CFAP20DC: variants seen among roughly 807,000 people sequenced by gnomAD.
CFAP20DC encodes the protein protein CFAP20DC.
A neutral mutation model predicts 101.7 loss-of-function variants in CFAP20DC; 84 were observed. The observed-to-expected ratio is 0.83, with a 90% CI of 0.69 to 0.99. CFAP20DC has a LOEUF of 0.99. Among genes scored for constraint, CFAP20DC ranks in the 50% least tolerant of loss-of-function variants. The pLI is 0.00. For missense variants in CFAP20DC, 1,007 were observed against 970.3 expected (o/e 1.04, Z -0.50); for synonymous variants, 359 against 351.2 (o/e 1.02, Z -0.25).
chr3:58,817,118 T>A (rs888797056), intron 14 of CFAP20DC, among the ~76,000 whole-genome samples: 2 of 151,716 alleles, frequency 1.3e-5, no homozygotes, highest in Admixed American at 6.6e-5. Context: ...AGAAAGGACA[T>A]CCACACCGAA....
chr3:58,945,990 C>T (rs2107928991), intron 4 of CFAP20DC, among the ~76,000 whole-genome samples: 1 of 151,640 alleles, frequency 6.6e-6, no homozygotes, highest in Middle Eastern at 3.4e-3. Flanking sequence ...CCACCACGAC[C>T]AGCCCAAAGT....
Position 58,863,980 on chromosome 3 carries a change from GAC to G in CFAP20DC, c.1259-90_1259-89del, listed in dbSNP as rs1306824123. ...ATTTATTTTTAGTTTTAGTTTTTGA[GAC>G]AGTCTCACTCTGCCGCCTAGGCTGC... On this transcript the variant is annotated intron_variant, in intron 11 of 16. Transcript: ENST00000482387. This position sits in a 1 kb window ranked among gnomAD's most constrained non-coding sequence, Gnocchi z 5.9. 4.6e-6 allele frequency: 6 copies of G among 1,306,750 alleles called. No homozygotes were observed. The highest frequency in any genetic ancestry group is 6.1e-6 in the Non-Finnish European group (6 of 984,032). 80.9% of individuals were successfully genotyped at this position (1,306,750 alleles called of 1,614,324 possible). A position where few individuals can be genotyped will look rare whatever the true frequency, so the allele number is the denominator to read the frequency against.
In CFAP20DC at chr3:58,788,244, G is replaced by C. The variant is rs1365613091; in HGVS notation, c.2237+18151C>G. On this transcript the variant is annotated intron_variant, in intron 15 of 16. Transcript: ENST00000482387. The surrounding 1 kb of genome is among the most constrained non-coding windows in gnomAD (Gnocchi z 4.2). ...CAGATTCTGAGCACGCAGTGAGAAA[G>C]GGAACCACAGCATGGTTGATTTGGG... Among the ~76,000 whole-genome samples, 1 of 152,088 alleles carries C rather than the reference G, an allele frequency of 6.6e-6. No individual in the cohort carries two copies. The highest frequency in any genetic ancestry group is 1.9e-4 in the East Asian group (1 of 5,186).
At chr3:59,027,521 A>G (rs765291656) in intron 4 of CFAP20DC, among the ~76,000 whole-genome samples, 12 of 152,210 alleles carry the variant, frequency 7.9e-5, no homozygotes, top group Non-Finnish European at 1.6e-4. Flanking sequence ...AAATAACATC[A>G]GTTCACTAGA....
chr3:58,913,964 C>A lies in CFAP20DC; in HGVS notation c.394-100G>T. 1 of 1,264,876 alleles carries A rather than the reference C, an allele frequency of 7.9e-7. No homozygotes were observed. Among genetic ancestry groups the A allele is most frequent in the East Asian group, 2.4e-5 (1 of 41,716 alleles). 78.4% of individuals were successfully genotyped at this position (1,264,876 alleles called of 1,614,324 possible). A position where few individuals can be genotyped will look rare whatever the true frequency, so the allele number is the denominator to read the frequency against. ...CATTCAAAGAGTTGAGGCAGTTATC[C>A]TGATCAACAAGCCCCAAACTAATTT... is the stretch of plus-strand genomic sequence containing the variant. On this transcript the variant is annotated intron_variant, in intron 5 of 16. Coordinates refer to ENST00000482387, the MANE Select transcript of CFAP20DC (RefSeq NM_001394063.1). The surrounding 1 kb of genome is among the most constrained non-coding windows in gnomAD (Gnocchi z 4.4).
downstream of CFAP20DC, among the ~76,000 whole-genome samples, chr3:58,740,982 A>C (rs190741369): frequency 2.2e-3 from 336 of 152,354 alleles, 4 homozygotes; most frequent in African/African-American, 7.7e-3. The surrounding 1 kb of genome is among the most constrained non-coding windows in gnomAD (Gnocchi z 4.6). Flanking sequence ...TTTGTGAACA[A>C]CAGGATTAAA....
chr3:59,028,394 A>C (rs1399424473), intron 4 of CFAP20DC, among the ~76,000 whole-genome samples: 1 of 152,216 alleles, frequency 6.6e-6, no homozygotes, highest in Non-Finnish European at 1.5e-5. Flanking sequence ...AAAGATAGAA[A>C]TATCTCAGCA....
intron 4 of CFAP20DC, among the ~76,000 whole-genome samples, chr3:58,979,579 A>C (rs2108479442): frequency 6.6e-6 from 1 of 152,312 alleles, no homozygotes; most frequent in Non-Finnish European, 1.5e-5. Flanking sequence ...AACTTCCATA[A>C]GAGAACGTCA....
intron 4 of CFAP20DC, among the ~76,000 whole-genome samples, chr3:58,938,379 G>C (rs1447995094): frequency 6.6e-6 from 1 of 152,122 alleles, no homozygotes; most frequent in Non-Finnish European, 1.5e-5. Context: ...TGATCACAAA[G>C]ATTAGGTTTG....
chr3:58,955,002 A>G (rs1307093647), intron 4 of CFAP20DC, among the ~76,000 whole-genome samples: 1 of 152,124 alleles, frequency 6.6e-6, no homozygotes, highest in Non-Finnish European at 1.5e-5. Context: ...AACTAAAAAA[A>G]AAAAACTTTA....
chr3:58,811,281 A>T (rs1181364979), intron 14 of CFAP20DC, among the ~76,000 whole-genome samples: 2 of 152,212 alleles, frequency 1.3e-5, no homozygotes, highest in Admixed American at 1.3e-4. Flanking sequence ...AGCTGGAGGC[A>T]TCACGTTACC....
At chr3:58,740,577 C>A (rs2067858526), downstream of CFAP20DC, among the ~76,000 whole-genome samples, 1 of 152,120 alleles carries the variant, frequency 6.6e-6, no homozygotes, top group Non-Finnish European at 1.5e-5. This position sits in a 1 kb window ranked among gnomAD's most constrained non-coding sequence, Gnocchi z 4.6. Flanking sequence ...TTAAGAATCC[C>A]AACAGAGTTC....
rs141026702 is a variant in CFAP20DC, at chr3:58,838,118, G to A, written c.1972-6229C>T. Among the ~76,000 whole-genome samples the A allele has an allele frequency of 4.6e-3, 703 of 152,250 alleles. 4 individuals carry two copies. Among genetic ancestry groups the A allele is most frequent in the South Asian group, 0.017 (82 of 4,818 alleles). Reference sequence around the variant, plus strand: ...AGCTGTAAGTGACACATATTTGTGCGCATAGCTCATTCACAATTTATGGTA... The same window carrying A: ...AGCTGTAAGTGACACATATTTGTGCACATAGCTCATTCACAATTTATGGTA... On this transcript the variant is annotated intron_variant, in intron 13 of 16. Coordinates refer to ENST00000482387, the MANE Select transcript of CFAP20DC (RefSeq NM_001394063.1).
intron 4 of CFAP20DC, among the ~76,000 whole-genome samples, chr3:58,997,820 C>T (rs2093182648): frequency 6.6e-6 from 1 of 152,132 alleles, no homozygotes; most frequent in Non-Finnish European, 1.5e-5. Flanking sequence ...GGAAGAGGGA[C>T]AAATAAGTAA....
rs1002859171 is a variant in CFAP20DC, at chr3:58,869,189, T to C, written c.1015+139A>G. ...TAAGAATTTCAAATATATTTCAAAA[T>C]CAACCACCCTTTTCATTATTAAATG... is the stretch of plus-strand genomic sequence containing the variant. On this transcript the variant is annotated intron_variant, in intron 9 of 16. Coordinates refer to ENST00000482387, the MANE Select transcript of CFAP20DC (RefSeq NM_001394063.1). This position sits in a 1 kb window ranked among gnomAD's most constrained non-coding sequence, Gnocchi z 4.3. The C allele has an allele frequency of 1.3e-5, 8 of 602,838 alleles. No individual in the cohort carries two copies. The highest frequency in any genetic ancestry group is 2.2e-5 in the Non-Finnish European group (8 of 371,378). The allele number at this position is 602,838 out of a possible 1,614,324, so 37.3% of individuals were successfully genotyped here.
intron 4 of CFAP20DC, among the ~76,000 whole-genome samples, chr3:58,983,664 T>C (rs1232406672): frequency 6.6e-6 from 1 of 152,186 alleles, no homozygotes; most frequent in Non-Finnish European, 1.5e-5. Flanking sequence ...AAAATAGAAA[T>C]TGTTATAAAT....
chr3:58,852,715 A>T (rs1416805875), intron 12 of CFAP20DC, among the ~76,000 whole-genome samples: 1 of 151,194 alleles, frequency 6.6e-6, no homozygotes, highest in Non-Finnish European at 1.5e-5. Flanking sequence ...GAAACTGAAC[A>T]ACCTGCTCCT....
At chr3:58,761,104 G>A (rs1163464202) in intron 15 of CFAP20DC, among the ~76,000 whole-genome samples, 1 of 152,202 alleles carries the variant, frequency 6.6e-6, no homozygotes, top group Admixed American at 6.5e-5. Flanking sequence ...AGTTTCAGAA[G>A]GAATGGTAGC....
chr3:58,969,611 T>G (rs1576530182), intron 4 of CFAP20DC, among the ~76,000 whole-genome samples: 1 of 152,266 alleles, frequency 6.6e-6, no homozygotes, highest in East Asian at 1.9e-4. Flanking sequence ...ATATGGTATA[T>G]CCATACAATG....
Sources: allele counts gnomAD v4.1 joint callset (sites outside exome capture counted in the v4.1 genomes callset), GRCh38; gene constraint gnomAD v4.1.1; non-coding constraint Gnocchi (gnomAD v3.1); transcripts MANE v1.5; gene names NCBI Gene and HGNC (gene_info 2026-07-23, HGNC 2026-07-21).